UNC13C: variants seen among roughly 807,000 people sequenced by gnomAD.
UNC13C encodes protein unc-13 homolog C.
In UNC13C, 174 loss-of-function variants were observed where a neutral mutation model predicts 245.4. The observed-to-expected ratio is 0.71, with a 90% CI of 0.63 to 0.80. The LOEUF is 0.80. Among genes scored for constraint, UNC13C ranks in the 30% least tolerant of loss-of-function variants. The pLI is 0.00. For synonymous variants in UNC13C, 992 were observed against 895.1 expected (o/e 1.11, Z -1.93); for missense variants, 2,829 against 2,602.9 (o/e 1.09, Z -1.89).
chr15:54,081,102 A>G (rs958836898), intron 2 of UNC13C, among the ~76,000 whole-genome samples: 3 of 151,912 alleles, frequency 2.0e-5, no homozygotes, highest in Admixed American at 6.6e-5. Context: ...TAGTTTCCAT[A>G]TATTTGTGTG....
chr15:54,533,870 C>T (rs1301940575), intron 26 of UNC13C, among the ~76,000 whole-genome samples: 1 of 152,126 alleles, frequency 6.6e-6, no homozygotes, highest in Non-Finnish European at 1.5e-5. Flanking sequence ...ATTTCGTAAA[C>T]AGTGATACTC....
intron 19 of UNC13C, among the ~76,000 whole-genome samples, chr15:54,464,202 C>A (rs554530140): frequency 6.6e-6 from 1 of 152,214 alleles, no homozygotes; most frequent in East Asian, 1.9e-4. Context: ...ATCTTGGAAT[C>A]TGAATTTTCC....
At chr15:54,448,256 T>C (rs1039409616) in intron 19 of UNC13C, among the ~76,000 whole-genome samples, 4 of 152,310 alleles carry the variant, frequency 2.6e-5, no homozygotes, top group Admixed American at 1.3e-4. Flanking sequence ...TTCTGTTGAT[T>C]TGGGGTGGAG....
intron 2 of UNC13C, among the ~76,000 whole-genome samples, chr15:54,120,119 A>G (rs1479005348): frequency 6.6e-6 from 1 of 152,218 alleles, no homozygotes; most frequent in Non-Finnish European, 1.5e-5. Flanking sequence ...CAGATTTTCA[A>G]TATAGACAAA....
the UNC13C span, among the ~76,000 whole-genome samples, chr15:53,857,540 T>C: frequency 9.9e-5 from 15 of 152,266 alleles, no homozygotes; most frequent in East Asian, 2.9e-3. Flanking sequence ...ATTACATTTG[T>C]CAAACTATAA....
intron 2 of UNC13C, among the ~76,000 whole-genome samples, chr15:54,028,681 A>C (rs1015789411): frequency 3.1e-5 from 2 of 64,390 alleles, no homozygotes; most frequent in Admixed American, 1.8e-4. Context: ...TCAGCCTACA[A>C]GTCTTTTTTT....
intron 13 of UNC13C, among the ~76,000 whole-genome samples, chr15:54,301,981 C>G (rs970701912): frequency 6.6e-6 from 1 of 152,140 alleles, no homozygotes; most frequent in African/African-American, 2.4e-5. Context: ...GATCACCATT[C>G]TAACTGGCAT....
intron 18 of UNC13C, among the ~76,000 whole-genome samples, chr15:54,405,994 TGG>T (rs5812758): frequency 6.6e-6 from 1 of 151,806 alleles, no homozygotes; most frequent in East Asian, 1.9e-4. Flanking sequence ...GAGAGAAGTG[TGG>T]GGGGGGAAAG....
chr15:54,028,705 T>TTTTTTTTTA (rs1555405205), intron 2 of UNC13C, among the ~76,000 whole-genome samples: 1 of 147,478 alleles, frequency 6.8e-6, no homozygotes, highest in African/African-American at 2.5e-5. Flanking sequence ...TTTTTTTTTT[T>TTTTTTTTTA]GAGACGGAGT....
Position 54,409,540 on chromosome 15 carries a change from C to T in UNC13C, c.4848-5442C>T, listed in dbSNP as rs1410491285. ...TCCGTACTCTCCTCCCACCCTCCAC[C>T]CTCAAGGAGGTCCCAATGTCTTTTG... is the stretch of plus-strand genomic sequence containing the variant. On this transcript the variant is annotated intron_variant, in intron 18 of 32. Transcript: ENST00000260323. Among the ~76,000 whole-genome samples the T allele has an allele frequency of 6.6e-5, 10 of 152,204 alleles. No homozygotes were observed. In the South Asian group the frequency reaches 2.1e-3, roughly 32 times the overall value.
At chr15:54,591,072 C>A (rs569528820) in intron 30 of UNC13C, among the ~76,000 whole-genome samples, 1 of 152,064 alleles carries the variant, frequency 6.6e-6, no homozygotes, top group African/African-American at 2.4e-5. Context: ...GTCTTTAATT[C>A]TGTTTATGTC....
chr15:54,204,852 A>G (rs1418337235), intron 4 of UNC13C, among the ~76,000 whole-genome samples: 1 of 151,998 alleles, frequency 6.6e-6, no homozygotes, highest in East Asian at 1.9e-4. Flanking sequence ...TCTTTTTTGA[A>G]CTGAGTAGAA....
intron 2 of UNC13C, among the ~76,000 whole-genome samples, chr15:54,044,006 C>T (rs1332298987): frequency 6.6e-6 from 1 of 152,076 alleles, no homozygotes; most frequent in African/African-American, 2.4e-5. Context: ...GATGTACAAC[C>T]ATCACCATAA....
rs1467093499 is a variant in UNC13C at position 54,511,839 on chromosome 15, C to G, written c.5457+9C>G. ...CCATGGGAGGGAAGGAGGTGGGTAT[C>G]TTTTTCTCCTACATTTGCTAAAAAC... is the stretch of plus-strand genomic sequence containing the variant. On this transcript the variant is annotated intron_variant, in intron 24 of 32. Transcript: ENST00000260323. The G allele has an allele frequency of 1.3e-6, 2 of 1,589,188 alleles. No individual in the cohort carries two copies. Among genetic ancestry groups the G allele is most frequent in the African/African-American group, 2.7e-5 (2 of 74,338 alleles).
chr15:54,121,001 C>T (rs770526269), intron 2 of UNC13C, among the ~76,000 whole-genome samples: 7 of 151,998 alleles, frequency 4.6e-5, no homozygotes, highest in African/African-American at 9.7e-5. Context: ...TATTGAACAT[C>T]GTTGAAATGA....
At chr15:53,934,772 T>A in the UNC13C span, among the ~76,000 whole-genome samples, 3 of 152,152 alleles carry the variant, frequency 2.0e-5, no homozygotes, top group African/African-American at 7.2e-5. Context: ...TTCTGTTCCT[T>A]GATTCACAGA....
At chr15:54,629,526 A>C (rs1423151365), downstream of UNC13C, 4 of 152,220 alleles carry the variant, frequency 2.6e-5, no homozygotes, top group African/African-American at 9.6e-5. Flanking sequence ...GAGGAAAATA[A>C]GGATGAACTA....
intron 19 of UNC13C, among the ~76,000 whole-genome samples, chr15:54,435,033 C>T (rs1262892292): frequency 3.3e-5 from 5 of 152,016 alleles, no homozygotes. Flanking sequence ...AAATGAGATA[C>T]CATCTCACGC....
intron 10 of UNC13C, among the ~76,000 whole-genome samples, chr15:54,273,093 G>C (rs1596123377): frequency 6.6e-6 from 1 of 152,266 alleles, no homozygotes; most frequent in African/African-American, 2.4e-5. Flanking sequence ...GGACTGTTCT[G>C]CAGGAATCTG....
Sources: gnomAD v4.1 joint callset for allele counts (sites outside exome capture counted in the v4.1 genomes callset) on GRCh38, gnomAD v4.1.1 for gene constraint, MANE v1.5 for transcripts, NCBI Gene and HGNC (gene_info 2026-07-23, HGNC 2026-07-21) for gene names.